GTPBP1: variants seen among roughly 807,000 people sequenced by gnomAD.
GTPBP1 encodes the protein GTP binding protein 1, also known as GTP-binding protein 1.
GTPBP1 carries 23 observed loss-of-function variants against 62.0 expected under a neutral mutation model. That is an observed-to-expected ratio of 0.37 (90% CI 0.27 to 0.53). The LOEUF (loss-of-function observed/expected upper bound fraction) is 0.53, where lower values mean the gene tolerates loss of function less well. GTPBP1 is among the 20% of genes least tolerant of loss of function. The pLI is 0.89. For missense variants in GTPBP1, 640 were observed against 917.3 expected (o/e 0.70, Z 3.90); for synonymous variants, 344 against 364.4 (o/e 0.94, Z 0.64).
At chr22:38,739,419 T>C, downstream of GTPBP1, 2 of 1,612,978 alleles carry the variant, frequency 1.2e-6, no homozygotes, top group South Asian at 2.2e-5. This position sits in a 1 kb window ranked among gnomAD's most constrained non-coding sequence, Gnocchi z 6.7. Context: ...CACGATGTGG[T>C]GCACCTGCTG....
intron 2 of GTPBP1, among the ~76,000 whole-genome samples, chr22:38,713,240 T>A (rs2092650074): frequency 6.6e-6 from 1 of 152,110 alleles, no homozygotes; most frequent in Non-Finnish European, 1.5e-5. Context: ...ACTTGCACCA[T>A]GACAGAGCTT....
intron 1 of GTPBP1, among the ~76,000 whole-genome samples, chr22:38,707,368 T>G (rs183650680): frequency 3.3e-5 from 5 of 152,266 alleles, no homozygotes. Context: ...GAACTTTCCC[T>G]GCAACCTAAG....
chr22:38,730,079 C>T lies in GTPBP1; in HGVS notation c.1917+417C>T, dbSNP rs1379929368. 6.6e-6 allele frequency among the ~76,000 whole-genome samples: 1 copy of T among 152,212 alleles called. No homozygotes were observed. The highest frequency in any genetic ancestry group is 1.5e-5 in the Non-Finnish European group (1 of 68,034). On this transcript the variant is annotated intron_variant, in intron 11 of 11. Transcript: ENST00000216044. The surrounding 1 kb of genome is among the most constrained non-coding windows in gnomAD (Gnocchi z 5.6). ...CTCTGTCCCCTCCCTGACGTGCACA[C>T]ATCCTGAAGGGGAGGTGGCTTTGGG...
downstream of GTPBP1, chr22:38,738,442 G>A: frequency 8.3e-7 from 1 of 1,205,774 alleles, no homozygotes; most frequent in Non-Finnish European, 1.2e-6. This position sits in a 1 kb window ranked among gnomAD's most constrained non-coding sequence, Gnocchi z 6.6. Flanking sequence ...AGGGACTGAA[G>A]TGCTGTCTCC....
intron 5 of GTPBP1, chr22:38,722,725 G>C (rs2092706887): frequency 6.2e-7 from 1 of 1,602,018 alleles, no homozygotes; most frequent in South Asian, 1.1e-5. Flanking sequence ...AGAAGGTGCA[G>C]ATACACATGG....
chr22:38,738,867 GC>G, downstream of GTPBP1: 1 of 1,600,328 alleles, frequency 6.2e-7, no homozygotes, highest in East Asian at 2.2e-5. This position sits in a 1 kb window ranked among gnomAD's most constrained non-coding sequence, Gnocchi z 6.6. Flanking sequence ...CTTGCCAGGT[GC>G]CCACCTGGAG....
downstream of GTPBP1, among the ~76,000 whole-genome samples, chr22:38,733,951 A>C (rs371872116): frequency 6.6e-6 from 1 of 152,032 alleles, no homozygotes; most frequent in African/African-American, 2.4e-5. Context: ...CTGCGTGGGG[A>C]TGTCTCCTTT....
Position 38,730,776 on chromosome 22 carries a change from G to A in GTPBP1, c.*72G>A, listed in dbSNP as rs949160336. 68 of 840,468 alleles carry A rather than the reference G, an allele frequency of 8.1e-5. No homozygotes were observed. In the Admixed American group the frequency reaches 1.7e-3, roughly 20 times the overall value. The allele number at this position is 840,468 out of a possible 1,614,324, so 52.1% of individuals were successfully genotyped here. A position where few individuals can be genotyped will look rare whatever the true frequency, so the allele number is the denominator to read the frequency against. The stretch of plus-strand genomic sequence containing the variant: ...GCCACCACTCCACCAGATGGGCAGA[G>A]CAGCTATGACCGCCACCCAGCCCTC... On this transcript the variant is annotated 3_prime_UTR_variant, in exon 12 of 12. Coordinates refer to ENST00000216044, the MANE Select transcript of GTPBP1 (RefSeq NM_004286.5). This position sits in a 1 kb window ranked among gnomAD's most constrained non-coding sequence, Gnocchi z 5.6.
chr22:38,714,031 C>T (rs896324442), intron 2 of GTPBP1, among the ~76,000 whole-genome samples: 1 of 151,966 alleles, frequency 6.6e-6, no homozygotes, highest in African/African-American at 2.4e-5. Flanking sequence ...ATTCAGGAGA[C>T]AAGAGCGGGG....
chr22:38,738,119 G>T, downstream of GTPBP1: 1 of 1,538,056 alleles, frequency 6.5e-7, no homozygotes, highest in Non-Finnish European at 9.0e-7. The surrounding 1 kb of genome is among the most constrained non-coding windows in gnomAD (Gnocchi z 6.6). Flanking sequence ...GGGAGCACCT[G>T]CTGCCTGGAT....
chr22:38,741,664 G>T (rs879075652), downstream of GTPBP1: 39 of 1,217,788 alleles, frequency 3.2e-5, no homozygotes, highest in South Asian at 4.3e-4. Context: ...TTCAAACAAG[G>T]TCTGTTTGCT....
At chr22:38,722,868 A>T in intron 5 of GTPBP1, 2 of 1,434,874 alleles carry the variant, frequency 1.4e-6, no homozygotes, top group Non-Finnish European at 2.0e-6. Context: ...CGCCTTCACC[A>T]AGTGGAGGGT....
intron 10 of GTPBP1, 159 bp from the exon 11 acceptor site, chr22:38,729,303 T>C (rs1340479734): frequency 1.1e-5 from 6 of 561,016 alleles, no homozygotes; most frequent in Non-Finnish European, 1.9e-5. Flanking sequence ...TCATCCCCAC[T>C]GCCTCCTGTC....
rs2092753051 is a variant in GTPBP1 at position 38,730,667 on chromosome 22, C to G, written c.1973C>G (p.Ser658Cys). Reference protein sequence around the residue: ...RRGGQRHKVKSQGACVTPASG... With the variant: ...RRGGQRHKVKCQGACVTPASG... ...GGGGGCCAGCGCCACAAGGTGAAGT[C>G]CCAGGGGGCCTGTGTGACTCCTGCC... Residue 658 changes from serine (S) to cysteine (C), a missense_variant, in exon 12 of 12, where the codon TCC becomes TGC. Around this residue, in one of 4 missense-constraint regions of GTPBP1, gnomAD observed 117 missense variants for 107.1 expected, o/e 1.09. Transcript: ENST00000216044. This position sits in a 1 kb window ranked among gnomAD's most constrained non-coding sequence, Gnocchi z 5.6. 2.5e-6 allele frequency: 4 copies of G among 1,604,076 alleles called. No homozygotes were observed. The highest frequency in any genetic ancestry group is 1.3e-5 in the African/African-American group (1 of 74,856).
downstream of GTPBP1, among the ~76,000 whole-genome samples, chr22:38,741,844 T>C (rs2092860629): frequency 6.6e-6 from 1 of 152,164 alleles, no homozygotes; most frequent in Non-Finnish European, 1.5e-5. Context: ...AACTGAGGCT[T>C]AGAGAAGGTG....
chr22:38,721,674 C>T lies in GTPBP1; in HGVS notation c.835-68C>T, dbSNP rs1053523949. ...GCTTTCATCCACATCTGCTTTTGAG[C>T]CCCTGTGTCCACCCAGCAGCAATCT... On this transcript the variant is annotated intron_variant, in intron 4 of 11. Coordinates refer to ENST00000216044, the MANE Select transcript of GTPBP1 (RefSeq NM_004286.5). 1.5e-5 allele frequency: 23 copies of T among 1,499,560 alleles called. 1 individual carries two copies. In the African/African-American group the frequency reaches 2.7e-4, roughly 18 times the overall value. 92.9% of individuals were successfully genotyped at this position (1,499,560 alleles called of 1,614,324 possible).
chr22:38,721,998 A>G (rs1023087358), intron 5 of GTPBP1, 133 bp downstream of exon 5: 1 of 494,594 alleles, frequency 2.0e-6, no homozygotes, highest in Non-Finnish European at 3.4e-6. Context: ...TTATTTTACA[A>G]TATGTTTATT....
chr22:38,716,191 C>G lies in GTPBP1; in HGVS notation c.485+104C>G. On this transcript the variant is annotated intron_variant, in intron 3 of 11. Transcript: ENST00000216044. This position sits in a 1 kb window ranked among gnomAD's most constrained non-coding sequence, Gnocchi z 5.2. ...AGCTCCATCCTTTCCCCTCCTGAGG[C>G]GGGGAAAGAGTGTCCAGGTGTCTGG... 1.1e-6 allele frequency: 1 copy of G among 942,816 alleles called. No homozygotes were observed. Among genetic ancestry groups the G allele is most frequent in the South Asian group, 1.4e-5 (1 of 68,972 alleles). 58.4% of individuals were successfully genotyped at this position (942,816 alleles called of 1,614,324 possible). A position where few individuals can be genotyped will look rare whatever the true frequency, so the allele number is the denominator to read the frequency against.
rs577081672 is a variant in GTPBP1 at position 38,731,010 on chromosome 22, T to TTGTTTGTGTGTGTGTGTGTG, written c.*309_*310insTTGTGTGTGTGTGTGTGTGT. On this transcript the variant is annotated 3_prime_UTR_variant, in exon 12 of 12. Transcript: ENST00000216044. ...TATTATATGTCTCTGTCTCTCTCTA[T>TTGTTTGTGTGTGTGTGTGTG]TGTGTGTGTGTGTGTGTGTGTGTGT... 1.1e-5 allele frequency: 2 copies of TTGTTTGTGTGTGTGTGTGTG among 182,804 alleles called. No homozygotes were observed. The highest frequency in any genetic ancestry group is 6.3e-5 in the Admixed American group (1 of 15,834). The allele number at this position is 182,804 out of a possible 1,614,324, so 11.3% of individuals were successfully genotyped here. A position where few individuals can be genotyped will look rare whatever the true frequency, so the allele number is the denominator to read the frequency against.
Sources: gnomAD v4.1 joint callset for allele counts (sites outside exome capture counted in the v4.1 genomes callset) on GRCh38, gnomAD v4.1.1 for gene constraint, gnomAD v4.1.1 regional missense constraint, Gnocchi (gnomAD v3.1) non-coding constraint, MANE v1.5 for transcripts, NCBI Gene and HGNC (gene_info 2026-07-23, HGNC 2026-07-21) for gene names.